The following DHRSX variants were observed in gnomAD, a reference collection of about 807,000 sequenced individuals.
DHRSX encodes dehydrogenase/reductase X-linked, also known as polyprenol dehydrogenase.
DHRSX carries 31 observed loss-of-function variants against 34.0 expected under a neutral mutation model. The observed-to-expected ratio is 0.91, with a 90% CI of 0.69 to 1.23. DHRSX has a LOEUF of 1.23. DHRSX is among the 50% of genes most tolerant of loss of function. The pLI is 0.00. For missense variants in DHRSX, 414 were observed against 428.1 expected (o/e 0.97, Z 0.29); for synonymous variants, 201 against 183.8 (o/e 1.09, Z -0.76).
Position 2,221,116 on chromosome X carries a change from G to T in DHRSX, c.918C>A (p.Thr306=), listed in dbSNP as rs2015509703. The T allele has an allele frequency of 3.8e-5, 61 of 1,613,816 alleles. No individual in the cohort carries two copies. Among genetic ancestry groups the T allele is most frequent in the Non-Finnish European group, 5.0e-5 (59 of 1,179,856 alleles). Residue 306 remains threonine, a synonymous_variant, in exon 7 of 7, where the codon ACC becomes ACA. Coordinates refer to ENST00000334651, the MANE Select transcript of DHRSX (RefSeq NM_145177.3). ...NEKETKSLHV[T]YNQKLQQQLW... ...GCTGCTGCTGCAGTTTCTGGTTGTA[G>T]GTGACGTGGAGGGACTTGGTCTCTT... is the stretch of plus-strand genomic sequence containing the variant.
At chrX:2,347,666 C>A (rs2042737571) in intron 3 of DHRSX, among the ~76,000 whole-genome samples, 1 of 152,178 alleles carries the variant, frequency 6.6e-6, no homozygotes, top group African/African-American at 2.4e-5. Context: ...GGCACTCCAG[C>A]CTGAGTGAGC....
intron 3 of DHRSX, among the ~76,000 whole-genome samples, chrX:2,309,227 C>G (rs753572369): frequency 6.6e-5 from 10 of 152,146 alleles, no homozygotes; most frequent in Non-Finnish European, 1.2e-4. Flanking sequence ...TTAGAAAATT[C>G]TTCTAGACTT....
chrX:2,474,849 C>G (rs184360389), intron 1 of DHRSX, among the ~76,000 whole-genome samples: 30,724 of 150,704 alleles, frequency 0.2, 4,167 homozygotes, highest in African/African-American at 0.39. Context: ...GGCTAAGGGA[C>G]CGCCGCCATG....
At chrX:2,335,138 T>C (rs1418411950) in intron 3 of DHRSX, among the ~76,000 whole-genome samples, 1 of 146,918 alleles carries the variant, frequency 6.8e-6, no homozygotes, top group Non-Finnish European at 1.5e-5. Context: ...TGAGCCGAGA[T>C]CGTACCACTG....
At chrX:2,337,777 T>C (rs1013327890) in intron 3 of DHRSX, 34 of 152,102 alleles carry the variant, frequency 2.2e-4, no homozygotes, top group African/African-American at 8.0e-4. Context: ...CTTTAACCAA[T>C]GCACACTTAA....
intron 1 of DHRSX, among the ~76,000 whole-genome samples, chrX:2,449,974 C>G (rs1332336569): frequency 6.6e-6 from 1 of 151,960 alleles, no homozygotes; most frequent in Non-Finnish European, 1.5e-5. Context: ...GACACAAATG[C>G]CCCCCTGCTC....
At chrX:2,499,661 C>T (rs890208117) in intron 1 of DHRSX, among the ~76,000 whole-genome samples, 1 of 152,012 alleles carries the variant, frequency 6.6e-6, no homozygotes, top group African/African-American at 2.4e-5. Flanking sequence ...AAACCCAGCA[C>T]TTTGGGGGAC....
At chrX:2,247,922 C>T (rs2124435297) in intron 5 of DHRSX, among the ~76,000 whole-genome samples, 1 of 151,830 alleles carries the variant, frequency 6.6e-6, no homozygotes, top group Non-Finnish European at 1.5e-5. Flanking sequence ...AACCAAAGCA[C>T]CTTTCCCCCA....
At position 2,451,561 on chromosome X, in the gene DHRSX, G is replaced by A. The variant is rs746578193; in HGVS notation, c.110-26257C>T. Among the ~76,000 whole-genome samples, 16 of 152,190 alleles carry A rather than the reference G, an allele frequency of 1.1e-4. No individual in the cohort carries two copies. In the South Asian group the frequency reaches 1.2e-3, roughly 12 times the overall value. ...CGTGTAGGGGAAGAAGAATGTGGACGGGGCAGGGGAAGGAATGAATTCGGT... is the reference window on the plus strand; with the variant it reads ...CGTGTAGGGGAAGAAGAATGTGGACAGGGCAGGGGAAGGAATGAATTCGGT... On this transcript the variant is annotated intron_variant, in intron 1 of 6. Transcript: ENST00000334651.
intron 1 of DHRSX, among the ~76,000 whole-genome samples, chrX:2,444,845 AT>A (rs2044107992): frequency 6.6e-6 from 1 of 151,520 alleles, no homozygotes; most frequent in Non-Finnish European, 1.5e-5. Context: ...CAAAAAAAAA[AT>A]GTTAAAAATT....
At chrX:2,262,797 G>A (rs1465473618) in intron 5 of DHRSX, among the ~76,000 whole-genome samples, 1 of 151,092 alleles carries the variant, frequency 6.6e-6, no homozygotes, top group East Asian at 2.0e-4. Context: ...ACTTCATGCA[G>A]GATCCCATCG....
intron 3 of DHRSX, among the ~76,000 whole-genome samples, chrX:2,303,040 G>A (rs1324600939): frequency 6.6e-6 from 1 of 152,066 alleles, no homozygotes; most frequent in African/African-American, 2.4e-5. Flanking sequence ...GTAAGAAAGA[G>A]GAAAACCCAT....
intron 1 of DHRSX, chrX:2,487,077 T>G (rs925304964): frequency 6.6e-6 from 1 of 152,186 alleles, no homozygotes; most frequent in Non-Finnish European, 1.5e-5. Flanking sequence ...CTAAGCCTCC[T>G]GAAGTATTTT....
chrX:2,283,441 G>T lies in DHRSX; in HGVS notation c.388+8061C>A, dbSNP rs746209464. Among the ~76,000 whole-genome samples the T allele has an allele frequency of 2.0e-5, 3 of 152,160 alleles. No homozygotes were observed. The South Asian group carries it at 6.2e-4, about 32-fold the overall frequency. ...TGGTCTACACCTGTGCAGACTCAAG[G>T]ATCCGCTGACGAATGCATGCGCCGC... On this transcript the variant is annotated intron_variant, in intron 4 of 6. Coordinates refer to ENST00000334651, the MANE Select transcript of DHRSX (RefSeq NM_145177.3).
At chrX:2,273,760 T>C (rs1048133781) in intron 4 of DHRSX, among the ~76,000 whole-genome samples, 15 of 152,196 alleles carry the variant, frequency 9.9e-5, no homozygotes, top group African/African-American at 3.4e-4. Flanking sequence ...CTGGTTCTCT[T>C]AGGATAATGG....
At chrX:2,262,575 A>G (rs917351333) in intron 5 of DHRSX, among the ~76,000 whole-genome samples, 19 of 152,130 alleles carry the variant, frequency 1.2e-4, no homozygotes, top group African/African-American at 4.6e-4. Context: ...ATTGGCACAC[A>G]CATCTCAGCT....
intron 1 of DHRSX, among the ~76,000 whole-genome samples, chrX:2,467,927 C>T (rs1252520364): frequency 6.7e-6 from 1 of 149,980 alleles, no homozygotes; most frequent in Non-Finnish European, 1.5e-5. Context: ...CACACCACTG[C>T]ACTCCAGCCT....
chrX:2,465,685 TAC>T (rs1216347106), intron 1 of DHRSX, among the ~76,000 whole-genome samples: 1 of 151,148 alleles, frequency 6.6e-6, no homozygotes, highest in Admixed American at 6.6e-5. Context: ...GGCAGGCACT[TAC>T]AATCCCAGCT....
In DHRSX at chrX:2,431,836, C is replaced by G. The variant is rs2043927432; in HGVS notation, c.110-6532G>C. Among the ~76,000 whole-genome samples the G allele has an allele frequency of 6.6e-5, 10 of 152,230 alleles. No homozygotes were observed. In the South Asian group the frequency reaches 2.1e-3, roughly 32 times the overall value. On this transcript the variant is annotated intron_variant, in intron 1 of 6. Coordinates refer to ENST00000334651, the MANE Select transcript of DHRSX (RefSeq NM_145177.3). ...ACCTGGGTGACGGGATCCTTGTGCT[C>G]CAAACCTCAACATCACACAATATAC... is the stretch of plus-strand genomic sequence containing the variant.
Sources: gnomAD v4.1 joint callset for allele counts (sites outside exome capture counted in the v4.1 genomes callset) on GRCh38, gnomAD v4.1.1 for gene constraint, MANE v1.5 for transcripts, NCBI Gene and HGNC (gene_info 2026-07-23, HGNC 2026-07-21) for gene names.